The following MAGI2 variants were observed in gnomAD, a reference collection of about 807,000 sequenced individuals.
MAGI2 encodes the protein membrane associated guanylate kinase, WW and PDZ domain containing 2.
A neutral mutation model predicts 133.3 loss-of-function variants in MAGI2; 35 were observed. The ratio of observed to expected loss-of-function variants is 0.26; its 90% CI spans 0.20 to 0.35. The LOEUF is 0.35. Ranked by LOEUF, MAGI2 falls within the 10% of genes least tolerant of loss-of-function variation. The pLI, the probability that MAGI2 is intolerant of heterozygous loss-of-function variation, is 1.00. For synonymous variants in MAGI2, 729 were observed against 710.6 expected, an observed-to-expected ratio of 1.03 and a Z score of -0.41; for missense variants, 1,636 against 1,863.4, an observed-to-expected ratio of 0.88 and a Z score of 2.25.
chr7:78,170,627 G>A (rs1187557375), intron 14 of MAGI2: 2 of 152,050 alleles, frequency 1.3e-5, no homozygotes, highest in East Asian at 1.9e-4. Flanking sequence ...GATGTACTAT[G>A]GAAGAAATAC....
intron 2 of MAGI2, among the ~76,000 whole-genome samples, chr7:78,669,980 A>C (rs1814154272): frequency 6.6e-6 from 1 of 151,680 alleles, no homozygotes; most frequent in South Asian, 2.1e-4. Flanking sequence ...GAATGGGCAA[A>C]AACTGGAAGC....
intron 20 of MAGI2, among the ~76,000 whole-genome samples, chr7:78,099,831 A>G (rs751411445): frequency 2.6e-5 from 4 of 152,198 alleles, no homozygotes; most frequent in Non-Finnish European, 1.5e-5. Flanking sequence ...ACAAATGGAA[A>G]ATTTACATGT....
At chr7:78,523,292 T>C (rs1421561323) in intron 3 of MAGI2, among the ~76,000 whole-genome samples, 1 of 152,086 alleles carries the variant, frequency 6.6e-6, no homozygotes, top group East Asian at 1.9e-4. Flanking sequence ...TCAAGTTAAA[T>C]GTGATAGGGA....
chr7:78,571,445 T>C (rs1489624133), intron 3 of MAGI2, among the ~76,000 whole-genome samples: 1 of 152,208 alleles, frequency 6.6e-6, no homozygotes, highest in Admixed American at 6.5e-5. Context: ...GGCTCAAAGA[T>C]GCTTGAAATA....
chr7:78,256,300 G>A lies in MAGI2; in HGVS notation c.1690C>T (p.Arg564Trp), dbSNP rs139352828. 4.3e-6 allele frequency: 7 copies of A among 1,613,928 alleles called. No individual in the cohort carries two copies. The highest frequency in any genetic ancestry group is 2.7e-5 in the African/African-American group (2 of 74,902). ...TSQSVPDITD[R>W]PPHSLHSMPT... ...ATGGAGTGCAGAGAATGAGGCGGCC[G>A]ATCTGTTATATCTGGAACTGACTGT... Residue 564 changes from arginine to tryptophan, a missense_variant, in exon 10 of 22, where the codon CGG becomes TGG. By Grantham distance (101) the Arg-to-Trp change is moderately radical. Around this residue, in one of 5 missense-constraint regions of MAGI2, gnomAD observed 920 missense variants for 1,093.5 expected, o/e 0.84. Transcript: ENST00000354212.
intron 1 of MAGI2, among the ~76,000 whole-genome samples, chr7:79,221,671 T>C (rs1200111672): frequency 6.6e-6 from 1 of 152,046 alleles, no homozygotes; most frequent in Non-Finnish European, 1.5e-5. Flanking sequence ...TTCACTTTTA[T>C]TGTTCTTCTT....
chr7:78,534,294 T>G (rs1455067165), intron 3 of MAGI2, among the ~76,000 whole-genome samples: 1 of 152,244 alleles, frequency 6.6e-6, no homozygotes, highest in Non-Finnish European at 1.5e-5. Flanking sequence ...ATACCCAGCC[T>G]TTCTCCCTCA....
At chr7:79,138,976 CAAAAAAAAAAA>C (rs57907314) in intron 1 of MAGI2, among the ~76,000 whole-genome samples, 1 of 65,186 alleles carries the variant, frequency 1.5e-5, no homozygotes, top group Non-Finnish European at 3.0e-5. Context: ...ACTCTTGTCT[CAAAAAAAAAAA>C]AAAAAAAAAA....
At chr7:78,410,261 C>T (rs1797752919) in intron 6 of MAGI2, among the ~76,000 whole-genome samples, 1 of 152,042 alleles carries the variant, frequency 6.6e-6, no homozygotes, top group Non-Finnish European at 1.5e-5. Context: ...GGGATTAAAA[C>T]TCGACCCTGC....
At chr7:79,070,815 T>A (rs1439252518) in intron 1 of MAGI2, among the ~76,000 whole-genome samples, 1 of 152,152 alleles carries the variant, frequency 6.6e-6, no homozygotes, top group Non-Finnish European at 1.5e-5. Context: ...TGCTCTTCTC[T>A]ATACTGGTTA....
intron 1 of MAGI2, among the ~76,000 whole-genome samples, chr7:79,107,401 C>T (rs1818534393): frequency 9.9e-5 from 15 of 152,170 alleles, no homozygotes; most frequent in Non-Finnish European, 1.5e-5. Context: ...CCTGAATGAA[C>T]CTGAAAGTGG....
At chr7:79,184,171 G>T (rs1300031476) in intron 1 of MAGI2, among the ~76,000 whole-genome samples, 1 of 151,834 alleles carries the variant, frequency 6.6e-6, no homozygotes, top group Admixed American at 6.6e-5. Flanking sequence ...TGATAAAAAT[G>T]TGAAGTAATG....
intron 2 of MAGI2, among the ~76,000 whole-genome samples, chr7:78,651,735 T>G (rs1414276621): frequency 1.3e-5 from 2 of 152,148 alleles, no homozygotes; most frequent in Non-Finnish European, 2.9e-5. Context: ...TTCAAGGTAA[T>G]GCTATAATTG....
At chr7:78,138,862 A>T (rs1019666405) in intron 16 of MAGI2, among the ~76,000 whole-genome samples, 3 of 152,222 alleles carry the variant, frequency 2.0e-5, no homozygotes, top group African/African-American at 7.2e-5. Context: ...TATGGCTTCA[A>T]ACCTTGGGGT....
intron 9 of MAGI2, among the ~76,000 whole-genome samples, chr7:78,323,866 A>G (rs1788269627): frequency 6.6e-6 from 1 of 152,172 alleles, no homozygotes; most frequent in Non-Finnish European, 1.5e-5. Context: ...ACTTCTGGAT[A>G]TATTTGCTGG....
At chr7:79,028,354 CAT>C (rs1810227849) in intron 1 of MAGI2, among the ~76,000 whole-genome samples, 3 of 137,682 alleles carry the variant, frequency 2.2e-5, no homozygotes, top group South Asian at 2.3e-4. Context: ...CACACACACA[CAT>C]ACACACACAC....
At chr7:78,382,557 T>C (rs1377022188) in intron 6 of MAGI2, among the ~76,000 whole-genome samples, 1 of 152,108 alleles carries the variant, frequency 6.6e-6, no homozygotes, top group Non-Finnish European at 1.5e-5. Context: ...ATCATATTTA[T>C]TTGTGCAAAC....
chr7:79,228,264 C>T (rs1831032454), intron 1 of MAGI2, among the ~76,000 whole-genome samples: 5 of 146,980 alleles, frequency 3.4e-5, no homozygotes. Flanking sequence ...GATTGCTGGA[C>T]CCCGGGAGTT....
chr7:78,651,262 C>T (rs1327067521), intron 2 of MAGI2, among the ~76,000 whole-genome samples: 1 of 152,088 alleles, frequency 6.6e-6, no homozygotes, highest in Non-Finnish European at 1.5e-5. Context: ...ATTCATGTAA[C>T]ACACAAAATA....
Sources: allele counts gnomAD v4.1 joint callset (sites outside exome capture counted in the v4.1 genomes callset), GRCh38; gene constraint gnomAD v4.1.1; regional missense constraint gnomAD v4.1.1; transcripts MANE v1.5; gene names NCBI Gene and HGNC (gene_info 2026-07-23, HGNC 2026-07-21).